The following TANC1 variants were observed in gnomAD, a reference collection of about 807,000 sequenced individuals.
TANC1 encodes the protein protein TANC1.
Under a neutral mutation model 149.7 loss-of-function variants are expected in TANC1, and 77 were observed. The ratio of observed to expected loss-of-function variants is 0.51; its 90% CI spans 0.43 to 0.62. TANC1 has a LOEUF of 0.62. Among genes scored for constraint, TANC1 ranks in the 20% least tolerant of loss-of-function variants. TANC1 has a pLI of 0.00. For synonymous variants in TANC1, 854 were observed against 925.0 expected, an observed-to-expected ratio of 0.92 and a Z score of 1.39; for missense variants, 1,985 against 2,321.8, an observed-to-expected ratio of 0.85 and a Z score of 2.98.
At chr2:159,091,086 T>G (rs2045488198) in intron 3 of TANC1, among the ~76,000 whole-genome samples, 1 of 152,140 alleles carries the variant, frequency 6.6e-6, no homozygotes, top group African/African-American at 2.4e-5. Context: ...TAGACCTACA[T>G]ATACTATTTT....
chr2:159,097,952 C>A, intron 4 of TANC1, 118 bp downstream of exon 4: 6 of 800,934 alleles, frequency 7.5e-6, no homozygotes, highest in South Asian at 2.0e-5. Context: ...GTCGCAGTAT[C>A]TTCTAGAAGA....
chr2:159,136,031 T>TGG (rs1160668004), intron 4 of TANC1, among the ~76,000 whole-genome samples, 163 bp from the exon 5 acceptor site: 3 of 84,532 alleles, frequency 3.5e-5, no homozygotes, highest in Non-Finnish European at 7.9e-5. Context: ...TGTGTGTGTG[T>TGG]GTGTGTGTGT....
chr2:159,041,646 C>T (rs150725823), intron 2 of TANC1, among the ~76,000 whole-genome samples: 187 of 152,316 alleles, frequency 1.2e-3, no homozygotes, highest in African/African-American at 4.1e-3. Flanking sequence ...TGGAAAAGTG[C>T]AGTGTTAGGG....
intron 3 of TANC1, among the ~76,000 whole-genome samples, chr2:159,087,739 T>C (rs955329185): frequency 1.3e-5 from 2 of 151,688 alleles, no homozygotes; most frequent in Non-Finnish European, 2.9e-5. Flanking sequence ...TGGGTGAAAT[T>C]GTGTTCACCA....
intron 4 of TANC1, among the ~76,000 whole-genome samples, chr2:159,128,363 T>A (rs1228195250): frequency 1.3e-5 from 2 of 152,196 alleles, no homozygotes; most frequent in African/African-American, 4.8e-5. Flanking sequence ...CCAGGAGTTG[T>A]GGGGGGCCTG....
rs755826547 is a variant in TANC1, at chr2:159,219,754, G to T, written c.3565G>T (p.Gly1189Cys). 1 of 1,614,210 alleles carries T rather than the reference G, an allele frequency of 6.2e-7. No individual in the cohort carries two copies. The highest frequency in any genetic ancestry group is 8.5e-7 in the Non-Finnish European group (1 of 1,180,038). ...AGCATTAAGCTGGGCTTGTCTGAAA[G>T]GTCACAGGGCAGTGGTCCAGTATCT... Reference protein sequence around the residue: ...LSALSWACLKGHRAVVQYLVE... With the variant: ...LSALSWACLKCHRAVVQYLVE... Residue 1189 changes from glycine to cysteine, a missense_variant, in exon 22 of 27, where the codon GGT becomes TGT. By Grantham distance (159) the Gly-to-Cys change is radical. This residue lies in a region of TANC1 where 920 missense variants were observed against 994.7 expected (regional missense o/e 0.92). Coordinates refer to ENST00000263635, the MANE Select transcript of TANC1 (RefSeq NM_033394.3).
At chr2:159,006,642 T>C (rs1289184354) in intron 2 of TANC1, among the ~76,000 whole-genome samples, 1 of 152,224 alleles carries the variant, frequency 6.6e-6, no homozygotes, top group Non-Finnish European at 1.5e-5. Flanking sequence ...TCTATACCCC[T>C]AGAGATCATC....
At chr2:159,168,324 G>A (rs1221722223) in intron 8 of TANC1, among the ~76,000 whole-genome samples, 1 of 123,460 alleles carries the variant, frequency 8.1e-6, no homozygotes, top group East Asian at 2.3e-4. Context: ...TTTTGAGACA[G>A]AGTTTTGCTC....
At chr2:158,974,759 G>A (rs929431979) in intron 1 of TANC1, among the ~76,000 whole-genome samples, 2 of 151,756 alleles carry the variant, frequency 1.3e-5, no homozygotes, top group African/African-American at 4.8e-5. Flanking sequence ...TTGAGAAAGG[G>A]TTTCCATTTG....
intron 2 of TANC1, among the ~76,000 whole-genome samples, chr2:159,039,975 T>C (rs1559160716): frequency 6.6e-6 from 1 of 152,206 alleles, no homozygotes; most frequent in African/African-American, 2.4e-5. Flanking sequence ...ATTATTATTG[T>C]GTGGGAGTCT....
intron 24 of TANC1, chr2:159,227,148 CA>C (rs2150985241): frequency 1.1e-5 from 1 of 87,252 alleles, no homozygotes; most frequent in South Asian, 5.2e-4. Context: ...GGCTTGGAAT[CA>C]GCTTGAAATT....
At chr2:159,227,792 C>T (rs1194756495) in intron 24 of TANC1, 27 bp from the exon 25 acceptor site, 1 of 1,612,322 alleles carries the variant, frequency 6.2e-7, no homozygotes, top group Non-Finnish European at 8.5e-7. Context: ...TGAAAAAGGA[C>T]AAATGTTTGT....
intron 2 of TANC1, among the ~76,000 whole-genome samples, chr2:159,026,241 GT>G (rs2149455158): frequency 6.6e-6 from 1 of 152,292 alleles, no homozygotes; most frequent in East Asian, 1.9e-4. Context: ...CCTTGCTTCA[GT>G]TTTTAGCTTC....
In TANC1 at chr2:159,051,522, G is replaced by A. The variant is rs143498340; in HGVS notation, c.-15-14374G>A. Among the ~76,000 whole-genome samples the A allele has an allele frequency of 5.5e-3, 832 of 152,294 alleles. 13 individuals are homozygous for A. The highest frequency in any genetic ancestry group is 0.018 in the African/African-American group (758 of 41,554). On this transcript the variant is annotated intron_variant, in intron 2 of 26. Coordinates refer to ENST00000263635, the MANE Select transcript of TANC1 (RefSeq NM_033394.3). ...AAAACATCTGATGTTCATACATGGCGCGTAACATACCTTCAAGTATAAGGC... is the reference window on the plus strand; with the variant it reads ...AAAACATCTGATGTTCATACATGGCACGTAACATACCTTCAAGTATAAGGC...
chr2:159,169,463 G>A (rs2054953497), intron 9 of TANC1, 91 bp downstream of exon 9: 1 of 1,342,866 alleles, frequency 7.4e-7, no homozygotes, highest in Non-Finnish European at 1.0e-6. Context: ...GAAGCCAACT[G>A]TGTTTATAAC....
chr2:159,174,246 C>T (rs1458891404), intron 11 of TANC1, among the ~76,000 whole-genome samples: 2 of 152,180 alleles, frequency 1.3e-5, no homozygotes, highest in Admixed American at 1.3e-4. Context: ...CTCTCACAAA[C>T]AGCCTGCTGA....
intron 8 of TANC1, among the ~76,000 whole-genome samples, chr2:159,168,602 C>G (rs2054859808): frequency 6.6e-6 from 1 of 152,008 alleles, no homozygotes; most frequent in African/African-American, 2.4e-5. Context: ...GCACCCTGCT[C>G]TTTAATGCTT....
intron 1 of TANC1, among the ~76,000 whole-genome samples, chr2:158,989,065 G>C (rs1291857544): frequency 6.6e-6 from 1 of 152,154 alleles, no homozygotes; most frequent in Non-Finnish European, 1.5e-5. Context: ...GTGTTCACAG[G>C]GAGAGCACAC....
chr2:158,970,769 T>C (rs2032750250), intron 1 of TANC1, among the ~76,000 whole-genome samples: 1 of 152,172 alleles, frequency 6.6e-6, no homozygotes, highest in African/African-American at 2.4e-5. Flanking sequence ...GGAAATAGTG[T>C]CATCGATTTT....
Sources: allele counts gnomAD v4.1 joint callset (sites outside exome capture counted in the v4.1 genomes callset), GRCh38; gene constraint gnomAD v4.1.1; regional missense constraint gnomAD v4.1.1; transcripts MANE v1.5; gene names NCBI Gene and HGNC (gene_info 2026-07-23, HGNC 2026-07-21).